CATSPERE: variants seen among roughly 807,000 people sequenced by gnomAD.
The protein encoded by CATSPERE is catsper channel auxiliary subunit epsilon, also known as cation channel sperm-associated auxiliary subunit epsilon.
CATSPERE carries 93 observed loss-of-function variants against 114.1 expected under a neutral mutation model. The observed-to-expected ratio is 0.81, with a 90% CI of 0.69 to 0.97. The LOEUF is 0.97. CATSPERE is among the 50% of genes least tolerant of loss of function. CATSPERE has a pLI of 0.00. For missense variants in CATSPERE, 1,058 were observed against 1,131.6 expected (o/e 0.93, Z 0.93); for synonymous variants, 341 against 384.1 (o/e 0.89, Z 1.31).
chr1:244,547,673 A>T (rs1351922949), intron 8 of CATSPERE, among the ~76,000 whole-genome samples: 2 of 152,176 alleles, frequency 1.3e-5, no homozygotes, highest in African/African-American at 2.4e-5. Flanking sequence ...CAAAGCAAAA[A>T]CCTGTAATAG....
At chr1:244,580,859 G>A (rs868405720) in intron 11 of CATSPERE, among the ~76,000 whole-genome samples, 1 of 152,164 alleles carries the variant, frequency 6.6e-6, no homozygotes, top group South Asian at 2.1e-4. Context: ...AAATTGGCTG[G>A]ATGTGGTGGC....
At chr1:244,558,615 C>T (rs762407688) in intron 9 of CATSPERE, among the ~76,000 whole-genome samples, 5 of 152,152 alleles carry the variant, frequency 3.3e-5, no homozygotes, top group Non-Finnish European at 7.4e-5. Flanking sequence ...CACCAACCTT[C>T]GAAATCCTTG....
chr1:244,550,701 A>C (rs768539145), intron 8 of CATSPERE, among the ~76,000 whole-genome samples: 23 of 152,226 alleles, frequency 1.5e-4, no homozygotes, highest in Non-Finnish European at 2.8e-4. Context: ...GGTTTAAGGC[A>C]TAAGAGGTTT....
At chr1:244,471,374 A>ATTAATTG (rs1475940162) in intron 2 of CATSPERE, among the ~76,000 whole-genome samples, 10 of 152,214 alleles carry the variant, frequency 6.6e-5, no homozygotes. Flanking sequence ...CCTTTTGTAA[A>ATTAATTG]AGGCAAATTA....
At chr1:244,574,438 A>G (rs981504627) in intron 11 of CATSPERE, among the ~76,000 whole-genome samples, 1 of 152,232 alleles carries the variant, frequency 6.6e-6, no homozygotes, top group African/African-American at 2.4e-5. Context: ...TATTATTTCT[A>G]ACACTTATGA....
intron 12 of CATSPERE, among the ~76,000 whole-genome samples, chr1:244,582,527 C>T (rs767703541): frequency 2.6e-5 from 4 of 151,864 alleles, no homozygotes; most frequent in Non-Finnish European, 5.9e-5. Context: ...CTCAGCCTCC[C>T]GAGTAGCTGG....
chr1:244,620,917 A>G (rs1322362372), intron 20 of CATSPERE, among the ~76,000 whole-genome samples: 1 of 148,850 alleles, frequency 6.7e-6, no homozygotes, highest in Non-Finnish European at 1.5e-5. Flanking sequence ...CAGAGATTAG[A>G]TCAGAGAACC....
chr1:244,510,088 T>G (rs1170343871), intron 7 of CATSPERE, among the ~76,000 whole-genome samples: 1 of 152,174 alleles, frequency 6.6e-6, no homozygotes, highest in African/African-American at 2.4e-5. Context: ...TGCTCTGATC[T>G]TTATTCTTTC....
At chr1:244,480,527 C>CT (rs1361381524) in intron 5 of CATSPERE, among the ~76,000 whole-genome samples, 6 of 147,912 alleles carry the variant, frequency 4.1e-5, no homozygotes, top group Non-Finnish European at 9.0e-5. Context: ...CGTATATGGT[C>CT]TAACTACAAA....
chr1:244,578,117 T>A (rs1482433272), intron 11 of CATSPERE, among the ~76,000 whole-genome samples: 1 of 152,202 alleles, frequency 6.6e-6, no homozygotes, highest in Non-Finnish European at 1.5e-5. Context: ...CCTGCCCAGT[T>A]GAAAATCTGG....
chr1:244,532,985 C>T (rs1296127939), intron 8 of CATSPERE, among the ~76,000 whole-genome samples: 1 of 151,876 alleles, frequency 6.6e-6, no homozygotes, highest in Non-Finnish European at 1.5e-5. Context: ...ATTGGGGTCT[C>T]TCTCTCTCTT....
intron 7 of CATSPERE, 89 bp downstream of exon 7, chr1:244,499,168 G>A (rs1673596044): frequency 2.1e-6 from 2 of 961,150 alleles, no homozygotes; most frequent in African/African-American, 1.6e-5. Context: ...TCAATAGACA[G>A]GATTTTAAGC....
chr1:244,514,130 C>T (rs950215558), intron 7 of CATSPERE, among the ~76,000 whole-genome samples: 1 of 152,060 alleles, frequency 6.6e-6, no homozygotes, highest in Non-Finnish European at 1.5e-5. Context: ...GTTACCCGGG[C>T]TTTTGGTGTC....
intron 20 of CATSPERE, among the ~76,000 whole-genome samples, chr1:244,634,439 A>G (rs1189798346): frequency 6.6e-6 from 1 of 152,220 alleles, no homozygotes; most frequent in African/African-American, 2.4e-5. Flanking sequence ...AATAAAAATA[A>G]GTTCCTTTCT....
intron 6 of CATSPERE, among the ~76,000 whole-genome samples, chr1:244,491,412 A>T (rs1340381739): frequency 6.6e-6 from 1 of 152,074 alleles, no homozygotes; most frequent in Non-Finnish European, 1.5e-5. Flanking sequence ...CAAAGACACA[A>T]CATACCAGAA....
In CATSPERE at chr1:244,640,242, A is replaced by G; in HGVS notation, c.*161A>G. 1.9e-6 allele frequency: 1 copy of G among 538,738 alleles called. No homozygotes were observed. The highest frequency in any genetic ancestry group is 3.6e-5 in the Admixed American group (1 of 27,536). 33.4% of individuals were successfully genotyped at this position (538,738 alleles called of 1,614,324 possible). The stretch of plus-strand genomic sequence containing the variant: ...GAAAAATATTCTTGAACTATCTCCA[A>G]AATAGAAATGTTTTCATATATATTG... On this transcript the variant is annotated 3_prime_UTR_variant, in exon 22 of 22. Transcript: ENST00000366534.
intron 1 of CATSPERE, 116 bp downstream of exon 1, chr1:244,461,610 A>T (rs542325809): frequency 2.6e-6 from 2 of 784,296 alleles, no homozygotes; most frequent in South Asian, 1.2e-4. Flanking sequence ...CTGGCCGACC[A>T]CTGCCTCGTC....
chr1:244,576,248 C>G (rs992286024), intron 11 of CATSPERE, among the ~76,000 whole-genome samples: 1 of 151,888 alleles, frequency 6.6e-6, no homozygotes, highest in Non-Finnish European at 1.5e-5. Context: ...CCCCTGAGGC[C>G]ACTGCAGTGA....
intron 11 of CATSPERE, among the ~76,000 whole-genome samples, chr1:244,581,510 T>A (rs1666169863): frequency 6.6e-6 from 1 of 152,222 alleles, no homozygotes; most frequent in South Asian, 2.1e-4. Flanking sequence ...ATGGAAAATG[T>A]CAAACATACA....
Sources: allele counts gnomAD v4.1 joint callset (sites outside exome capture counted in the v4.1 genomes callset), GRCh38; gene constraint gnomAD v4.1.1; transcripts MANE v1.5; gene names NCBI Gene and HGNC (gene_info 2026-07-23, HGNC 2026-07-21).